PRKG1: variants seen among roughly 807,000 people sequenced by gnomAD.
PRKG1 encodes cGMP-dependent protein kinase 1.
In PRKG1, 35 loss-of-function variants were observed where a neutral mutation model predicts 88.1. The observed-to-expected ratio is 0.40, with a 90% confidence interval of 0.30 to 0.53. PRKG1 has a LOEUF of 0.53. Among genes scored for constraint, PRKG1 ranks in the 20% least tolerant of loss-of-function variants. PRKG1 has a pLI of 0.59. For missense variants in PRKG1, 540 were observed against 839.8 expected, an observed-to-expected ratio of 0.64 and a Z score of 4.41; for synonymous variants, 303 against 292.5, an observed-to-expected ratio of 1.04 and a Z score of -0.37.
At chr10:51,312,164 T>C (rs547498587) in intron 2 of PRKG1, among the ~76,000 whole-genome samples, 1 of 152,190 alleles carries the variant, frequency 6.6e-6, no homozygotes, top group African/African-American at 2.4e-5. Context: ...GAACCACTGC[T>C]CCCAGCCCTT....
At chr10:51,701,398 A>C (rs1841462109) in intron 3 of PRKG1, among the ~76,000 whole-genome samples, 1 of 152,222 alleles carries the variant, frequency 6.6e-6, no homozygotes. Context: ...ATTTACCTTC[A>C]AGTTTTTGAA....
intron 4 of PRKG1, among the ~76,000 whole-genome samples, chr10:51,872,596 G>T (rs1043260702): frequency 3.3e-5 from 5 of 151,852 alleles, no homozygotes; most frequent in Admixed American, 6.6e-5. Flanking sequence ...ATTTCTTTTA[G>T]CATCATTAAA....
intron 10 of PRKG1, among the ~76,000 whole-genome samples, chr10:52,267,293 G>C (rs953637379): frequency 3.3e-5 from 5 of 152,010 alleles, no homozygotes; most frequent in Non-Finnish European, 7.4e-5. Context: ...GAAGGTAATA[G>C]TGTGGTTCAG....
At chr10:51,966,572 T>G (rs1843572293) in intron 5 of PRKG1, among the ~76,000 whole-genome samples, 1 of 152,188 alleles carries the variant, frequency 6.6e-6, no homozygotes, top group South Asian at 2.1e-4. Flanking sequence ...CCAATTCCTT[T>G]AACTTCTCCT....
At chr10:51,119,379 G>T (rs1482082177) in intron 1 of PRKG1, among the ~76,000 whole-genome samples, 1 of 151,928 alleles carries the variant, frequency 6.6e-6, no homozygotes, top group Non-Finnish European at 1.5e-5. Flanking sequence ...CATAATTAGA[G>T]AAATTTTCCT....
intron 1 of PRKG1, among the ~76,000 whole-genome samples, chr10:51,050,565 T>C (rs1843548155): frequency 6.6e-6 from 1 of 152,176 alleles, no homozygotes; most frequent in Non-Finnish European, 1.5e-5. Context: ...CATCCATCTA[T>C]GGATATTAGG....
At chr10:51,704,250 C>T (rs7070920) in intron 3 of PRKG1, among the ~76,000 whole-genome samples, 26,616 of 149,292 alleles carry the variant, frequency 0.18, 4,182 homozygotes, top group African/African-American at 0.44. Flanking sequence ...GACAGACAGA[C>T]AGATAGATAG....
At chr10:51,991,527 C>T (rs1844306959) in intron 5 of PRKG1, among the ~76,000 whole-genome samples, 1 of 152,094 alleles carries the variant, frequency 6.6e-6, no homozygotes, top group South Asian at 2.1e-4. Context: ...CTATCCCTCC[C>T]CCACTCCCCC....
intron 2 of PRKG1, among the ~76,000 whole-genome samples, chr10:51,290,020 G>A (rs997949442): frequency 2.6e-5 from 4 of 152,054 alleles, no homozygotes; most frequent in African/African-American, 9.7e-5. Flanking sequence ...ACTTGAATTA[G>A]GGATTATTCT....
intron 1 of PRKG1, among the ~76,000 whole-genome samples, chr10:51,124,422 T>C (rs1040818635): frequency 1.3e-5 from 2 of 152,100 alleles, no homozygotes; most frequent in African/African-American, 4.8e-5. Context: ...CCTTTCACCT[T>C]ATAGAAGTGA....
intron 2 of PRKG1, among the ~76,000 whole-genome samples, chr10:51,454,804 A>G (rs1296232972): frequency 1.3e-5 from 2 of 152,190 alleles, no homozygotes; most frequent in Non-Finnish European, 2.9e-5. Context: ...GGTCCCTCAC[A>G]TAACATGTGG....
At chr10:51,705,121 A>G (rs558704327) in intron 3 of PRKG1, among the ~76,000 whole-genome samples, 7 of 151,910 alleles carry the variant, frequency 4.6e-5, no homozygotes, top group Non-Finnish European at 1.0e-4. Context: ...TTCACCTCCT[A>G]GCTTTTTGTG....
At chr10:51,992,232 A>T (rs1295965780) in intron 5 of PRKG1, among the ~76,000 whole-genome samples, 1 of 152,118 alleles carries the variant, frequency 6.6e-6, no homozygotes, top group Non-Finnish European at 1.5e-5. Flanking sequence ...CACTGAAATT[A>T]TATGCCCAAT....
At chr10:51,282,366 T>TAG (rs1328145380) in intron 2 of PRKG1, among the ~76,000 whole-genome samples, 1 of 151,860 alleles carries the variant, frequency 6.6e-6, no homozygotes, top group Admixed American at 6.6e-5. Flanking sequence ...TATATATATA[T>TAG]ATAGAGAGAG....
intron 9 of PRKG1, among the ~76,000 whole-genome samples, chr10:52,231,892 A>T (rs1840532246): frequency 1.3e-5 from 2 of 152,228 alleles, no homozygotes; most frequent in African/African-American, 4.8e-5. Context: ...AACAGATTTG[A>T]ACCTTTTCTA....
intron 3 of PRKG1, among the ~76,000 whole-genome samples, chr10:51,621,098 G>A (rs1002927752): frequency 2.0e-5 from 3 of 147,826 alleles, no homozygotes; most frequent in Non-Finnish European, 4.5e-5. Flanking sequence ...TGACATATAT[G>A]TGTGTGTGTG....
chr10:52,212,618 GGAGA>G (rs138850418), intron 9 of PRKG1, among the ~76,000 whole-genome samples: 4 of 149,634 alleles, frequency 2.7e-5, no homozygotes, highest in South Asian at 2.1e-4. Context: ...GTGGTGTAGG[GGAGA>G]GAGAGAGAGA....
intron 8 of PRKG1, among the ~76,000 whole-genome samples, chr10:52,135,912 T>G (rs1429229285): frequency 2.6e-5 from 4 of 152,018 alleles, no homozygotes; most frequent in Non-Finnish European, 5.9e-5. Context: ...AAGGCTAGAT[T>G]TGGGGAAATC....
rs541199093 is a variant in PRKG1, at chr10:51,815,261, A to G, written c.698+10571A>G. Among the ~76,000 whole-genome samples the G allele has an allele frequency of 7.2e-5, 11 of 152,304 alleles. No homozygotes were observed. The East Asian group carries it at 2.1e-3, about 29-fold the overall frequency. On this transcript the variant is annotated intron_variant, in intron 4 of 17. Coordinates refer to ENST00000373980, the MANE Select transcript of PRKG1 (RefSeq NM_006258.4). ...GTAAGGCTTATTTTATTTCTGTATC[A>G]TCCAGATTGAGCCTAATAACAGTTC...
Sources: allele counts gnomAD v4.1 joint callset (sites outside exome capture counted in the v4.1 genomes callset), GRCh38; gene constraint gnomAD v4.1.1; transcripts MANE v1.5; gene names NCBI Gene and HGNC (gene_info 2026-07-23, HGNC 2026-07-21).